The following DCAF6 variants were observed in gnomAD, a reference collection of about 807,000 sequenced individuals.
DCAF6 encodes DDB1- and CUL4-associated factor 6.
A neutral mutation model predicts 125.1 loss-of-function variants in DCAF6; 54 were observed. The ratio of observed to expected loss-of-function variants is 0.43; its 90% CI spans 0.35 to 0.54. The LOEUF is 0.54. Ranked by LOEUF, DCAF6 falls within the 20% of genes least tolerant of loss-of-function variation. The probability of loss-of-function intolerance (pLI) is 0.01; values close to 1 mark genes in which losing one functional copy is unlikely to be tolerated. For missense variants in DCAF6, 934 were observed against 1,161.7 expected (o/e 0.80, Z 2.85); for synonymous variants, 371 against 390.4 (o/e 0.95, Z 0.58).
chr1:168,034,630 A>G (rs900479234), intron 12 of DCAF6, among the ~76,000 whole-genome samples: 2 of 152,188 alleles, frequency 1.3e-5, no homozygotes, highest in Admixed American at 1.3e-4. Context: ...TTTTTAAAGG[A>G]ATGTATATAT....
At chr1:167,967,266 T>C (rs1676559566) in intron 3 of DCAF6, among the ~76,000 whole-genome samples, 1 of 152,004 alleles carries the variant, frequency 6.6e-6, no homozygotes, top group Admixed American at 6.6e-5. Flanking sequence ...ACTGAGAAAA[T>C]TAAAATGGTT....
At chr1:167,935,829 C>G (rs760077800), upstream of DCAF6, 1 of 1,551,718 alleles carries the variant, frequency 6.4e-7, no homozygotes, top group South Asian at 1.2e-5. Context: ...CCTCGGGCAC[C>G]GGCGGCCGAC....
intron 2 of DCAF6, among the ~76,000 whole-genome samples, chr1:167,953,143 T>A (rs1279813817): frequency 6.6e-6 from 1 of 152,172 alleles, no homozygotes; most frequent in Non-Finnish European, 1.5e-5. Flanking sequence ...GTCCATATTT[T>A]CTTTGTTTTA....
At chr1:167,941,486 A>G (rs995884555) in intron 1 of DCAF6, among the ~76,000 whole-genome samples, 3 of 152,252 alleles carry the variant, frequency 2.0e-5, no homozygotes, top group African/African-American at 7.2e-5. Flanking sequence ...AAGTACATTT[A>G]TGTGGCAACC....
chr1:167,877,063 G>A, the DCAF6 span, among the ~76,000 whole-genome samples: 1 of 151,934 alleles, frequency 6.6e-6, no homozygotes, highest in Non-Finnish European at 1.5e-5. Context: ...ACATTTGTGA[G>A]AAAAATAAAT....
At chr1:167,917,597 C>CA in the DCAF6 span, 29,220 of 79,384 alleles carry the variant, frequency 0.37, 4,902 homozygotes, top group Middle Eastern at 0.54. Context: ...GACCCTGTCT[C>CA]AAAAAAAAAA....
chr1:167,898,548 G>A, the DCAF6 span, among the ~76,000 whole-genome samples: 7 of 151,758 alleles, frequency 4.6e-5, no homozygotes, highest in African/African-American at 9.7e-5. Context: ...GCAGTGAGCC[G>A]AGATCACGCC....
Position 167,969,431 on chromosome 1 carries a change from C to T in DCAF6, c.252+2710C>T, listed in dbSNP as rs189009113. Among the ~76,000 whole-genome samples the T allele has an allele frequency of 5.1e-4, 77 of 152,236 alleles. 1 individual carries two copies. Among genetic ancestry groups the T allele is most frequent in the Admixed American group, 5.0e-3 (76 of 15,298 alleles). On this transcript the variant is annotated intron_variant, in intron 3 of 21. Transcript: ENST00000367840. ...GTTCTAATTAGGTTAGGATTATGTT[C>T]TGATTTTCATTGGCTTTTAGCTTCT...
At chr1:168,040,899 A>G (rs1238891571) in intron 13 of DCAF6, among the ~76,000 whole-genome samples, 1 of 151,128 alleles carries the variant, frequency 6.6e-6, no homozygotes, top group African/African-American at 2.4e-5. Flanking sequence ...AAAAAAAAAA[A>G]AAAACCAAAC....
intron 3 of DCAF6, chr1:167,969,395 A>T (rs988308167): frequency 6.6e-6 from 1 of 152,180 alleles, no homozygotes; most frequent in African/African-American, 2.4e-5. Context: ...ATAAGCTGGG[A>T]TAACATATGA....
chr1:167,884,325 G>A, the DCAF6 span, among the ~76,000 whole-genome samples: 1 of 152,146 alleles, frequency 6.6e-6, no homozygotes, highest in African/African-American at 2.4e-5. Flanking sequence ...TATGGCCAGA[G>A]GAGAGCAGGG....
chr1:167,878,475 C>A, the DCAF6 span: 1 of 1,614,114 alleles, frequency 6.2e-7, no homozygotes, highest in Non-Finnish European at 8.5e-7. Context: ...AATACTGATA[C>A]AATGGTCCAG....
At chr1:168,053,847 G>T (rs373576258) in intron 17 of DCAF6, among the ~76,000 whole-genome samples, 2 of 152,200 alleles carry the variant, frequency 1.3e-5, no homozygotes, top group African/African-American at 4.8e-5. Context: ...TCCCAGGCAG[G>T]CAGAGCAATG....
At chr1:167,888,974 T>C in the DCAF6 span, among the ~76,000 whole-genome samples, 2 of 152,138 alleles carry the variant, frequency 1.3e-5, no homozygotes, top group Non-Finnish European at 2.9e-5. Context: ...TCAGTTCTAA[T>C]GGTTTTTTGG....
the DCAF6 span, among the ~76,000 whole-genome samples, chr1:167,915,319 C>A: frequency 2.1e-4 from 32 of 152,206 alleles, no homozygotes; most frequent in Non-Finnish European, 4.4e-4. Context: ...CTACCCCAAG[C>A]AGCTTCTTTT....
At chr1:167,940,757 A>T (rs531907351) in intron 1 of DCAF6, among the ~76,000 whole-genome samples, 2 of 152,284 alleles carry the variant, frequency 1.3e-5, no homozygotes, top group East Asian at 3.9e-4. Flanking sequence ...TTTTGGACAG[A>T]CACTCCTACA....
chr1:167,905,585 C>T, the DCAF6 span, among the ~76,000 whole-genome samples: 1 of 147,948 alleles, frequency 6.8e-6, no homozygotes, highest in Admixed American at 6.7e-5. Flanking sequence ...TGGTCTTTTA[C>T]TTTTTTCTCT....
At chr1:167,963,079 G>A (rs1422968618) in intron 2 of DCAF6, among the ~76,000 whole-genome samples, 2 of 152,102 alleles carry the variant, frequency 1.3e-5, no homozygotes, top group Admixed American at 1.3e-4. Context: ...GGGCAACATG[G>A]TGAAACCCTG....
At chr1:167,936,603 G>A (rs1422263805), upstream of DCAF6, 7 of 349,006 alleles carry the variant, frequency 2.0e-5, no homozygotes, top group East Asian at 3.5e-4. Context: ...AGGACGAGGA[G>A]AGGGAGGAGT....
Sources: allele counts gnomAD v4.1 joint callset (sites outside exome capture counted in the v4.1 genomes callset), GRCh38; gene constraint gnomAD v4.1.1; transcripts MANE v1.5; gene names NCBI Gene and HGNC (gene_info 2026-07-23, HGNC 2026-07-21).